The following IL1RAPL1 variants were observed in gnomAD, a reference collection of about 807,000 sequenced individuals.
IL1RAPL1 encodes interleukin-1 receptor accessory protein-like 1.
Under a neutral mutation model 48.4 loss-of-function variants are expected in IL1RAPL1, and 3 were observed. The observed-to-expected ratio is 0.06, with a 90% CI of 0.03 to 0.16. The LOEUF is 0.16. Ranked by LOEUF, IL1RAPL1 falls within the 10% of genes least tolerant of loss-of-function variation. The pLI is 1.00. For synonymous variants in IL1RAPL1, 185 were observed against 187.7 expected (o/e 0.99, Z 0.12); for missense variants, 349 against 530.6 (o/e 0.66, Z 3.36).
At chrX:29,212,018 A>C (rs1602114311) in intron 2 of IL1RAPL1, among the ~76,000 whole-genome samples, 1 of 110,840 alleles carries the variant, frequency 9.0e-6, no homozygotes, top group Middle Eastern at 4.6e-3. Flanking sequence ...ACAACTTGCT[A>C]CTCAACATCT....
intron 3 of IL1RAPL1, among the ~76,000 whole-genome samples, chrX:29,376,737 G>C (rs1239821692): frequency 1.8e-5 from 2 of 111,877 alleles, no homozygotes; most frequent in Non-Finnish European, 3.8e-5. Flanking sequence ...TGTGGTCTGA[G>C]AGTGTGCTTG....
intron 2 of IL1RAPL1, among the ~76,000 whole-genome samples, chrX:28,913,794 A>T (rs1331943721): frequency 8.9e-6 from 1 of 112,069 alleles, no homozygotes; most frequent in Non-Finnish European, 1.9e-5. Flanking sequence ...GGTGAAAATA[A>T]TCTGATGAAA....
intron 2 of IL1RAPL1, among the ~76,000 whole-genome samples, chrX:28,903,181 G>A (rs773096758): frequency 2.1e-4 from 23 of 110,276 alleles, no homozygotes; most frequent in African/African-American, 6.9e-4. Context: ...GTGTAGTGGC[G>A]CTATCTCGGC....
chrX:28,942,130 GA>G (rs1924177349), intron 2 of IL1RAPL1: 1 of 109,836 alleles, frequency 9.1e-6, no homozygotes, highest in African/African-American at 3.3e-5. Context: ...AATCCGTAAT[GA>G]ATTGCCATCG....
chrX:29,527,326 C>CTTTTTTTTTTTTTTTTTTTTTTT lies in IL1RAPL1; in HGVS notation c.703+128026_703+128048dup, dbSNP rs61003668. Among the ~76,000 whole-genome samples the CTTTTTTTTTTTTTTTTTTTTTTT allele has an allele frequency of 7.8e-5, 2 of 25,564 alleles. 1 individual carries two copies. The highest frequency in any genetic ancestry group is 1.3e-4 in the Non-Finnish European group (2 of 15,930). 22.2% of individuals were successfully genotyped at this position (25,564 alleles called of 115,157 possible). A position where few individuals can be genotyped will look rare whatever the true frequency, so the allele number is the denominator to read the frequency against. ...TAGGACTTGCATGTAGGGAAGGACTCTTTTTTTTTTTTTTTTTTTTTTTTT... is the reference window on the plus strand; with the variant it reads ...TAGGACTTGCATGTAGGGAAGGACTCTTTTTTTTTTTTTTTTTTTTTTTTTTTTTTTTTTTTTTTTTTTTTTTT... On this transcript the variant is annotated intron_variant, in intron 5 of 10. Coordinates refer to ENST00000378993, the MANE Select transcript of IL1RAPL1 (RefSeq NM_014271.4).
intron 2 of IL1RAPL1, among the ~76,000 whole-genome samples, chrX:28,927,421 G>A (rs971726681): frequency 1.8e-5 from 2 of 111,353 alleles, no homozygotes; most frequent in African/African-American, 6.5e-5. Context: ...ATAAAAATAC[G>A]CTCTTTTGAT....
At chrX:29,084,625 A>G (rs1927912065) in intron 2 of IL1RAPL1, among the ~76,000 whole-genome samples, 2 of 112,504 alleles carry the variant, frequency 1.8e-5, no homozygotes, top group Admixed American at 1.9e-4. Context: ...AATTAAAAGA[A>G]GTAGGGCTAA....
intron 3 of IL1RAPL1, among the ~76,000 whole-genome samples, chrX:29,297,792 G>T (rs1932471402): frequency 8.9e-6 from 1 of 112,051 alleles, no homozygotes; most frequent in Non-Finnish European, 1.9e-5. Flanking sequence ...TGAATTTGTT[G>T]ATTATTCAGG....
Position 29,303,106 on chromosome X carries a change from T to G in IL1RAPL1, c.362+19889T>G, listed in dbSNP as rs770136207. ...GCTTGCCCTTCATGAAGACCAAGGTTGGTCTCAGGGCCAGACAAAAGCCAT... is the reference window on the plus strand; with the variant it reads ...GCTTGCCCTTCATGAAGACCAAGGTGGGTCTCAGGGCCAGACAAAAGCCAT... On this transcript the variant is annotated intron_variant, in intron 3 of 10. Transcript: ENST00000378993. 3.6e-5 allele frequency among the ~76,000 whole-genome samples: 4 copies of G among 111,778 alleles called. No homozygotes were observed. The South Asian group carries it at 1.5e-3, about 42-fold the overall frequency.
chrX:29,252,603 T>C (rs1312013282), intron 2 of IL1RAPL1, among the ~76,000 whole-genome samples: 1 of 113,517 alleles, frequency 8.8e-6, no homozygotes, highest in Non-Finnish European at 1.9e-5. Context: ...TTAAATAAAT[T>C]TCCACACTTG....
intron 1 of IL1RAPL1, among the ~76,000 whole-genome samples, chrX:28,673,314 C>T (rs1162150258): frequency 8.9e-6 from 1 of 111,762 alleles, no homozygotes; most frequent in African/African-American, 3.3e-5. Flanking sequence ...TGAAACTGGA[C>T]CCCTTCCTTA....
chrX:29,170,706 C>A (rs1929890820), intron 2 of IL1RAPL1, among the ~76,000 whole-genome samples: 1 of 111,595 alleles, frequency 9.0e-6, no homozygotes, highest in Non-Finnish European at 1.9e-5. Flanking sequence ...AAATGCATAA[C>A]ATTCCAACCC....
intron 6 of IL1RAPL1, among the ~76,000 whole-genome samples, chrX:29,704,130 A>G (rs1325454020): frequency 9.2e-6 from 1 of 109,178 alleles, no homozygotes; most frequent in Non-Finnish European, 1.9e-5. Flanking sequence ...GAGTCTTGCT[A>G]TATTGCCCAG....
chrX:28,778,814 A>C (rs1256591552), intron 1 of IL1RAPL1, among the ~76,000 whole-genome samples: 1 of 111,878 alleles, frequency 8.9e-6, no homozygotes, highest in African/African-American at 3.2e-5. Context: ...AATTCAATTA[A>C]GACTACAGTT....
At chrX:29,811,638 A>T (rs1930383581) in intron 6 of IL1RAPL1, among the ~76,000 whole-genome samples, 1 of 111,002 alleles carries the variant, frequency 9.0e-6, no homozygotes, top group African/African-American at 3.3e-5. Flanking sequence ...TAACCATCAC[A>T]ATGGGATTAC....
At position 29,694,432 on chromosome X, in the gene IL1RAPL1, C is replaced by A. The variant is rs1387294766; in HGVS notation, c.778+25928C>A. ...AATCAGGGATAGCAGGTCATTCCAGCCAGAAAAACTGATGTTTTTGCGTAT... is the reference window on the plus strand; with the variant it reads ...AATCAGGGATAGCAGGTCATTCCAGACAGAAAAACTGATGTTTTTGCGTAT... On this transcript the variant is annotated intron_variant, in intron 6 of 10. Transcript: ENST00000378993. Among the ~76,000 whole-genome samples the A allele has an allele frequency of 2.7e-5, 3 of 111,644 alleles. No individual in the cohort carries two copies. The South Asian group carries it at 1.1e-3, about 42-fold the overall frequency.
chrX:28,651,947 C>T (rs1331960408), intron 1 of IL1RAPL1, among the ~76,000 whole-genome samples: 1 of 111,558 alleles, frequency 9.0e-6, no homozygotes, highest in Non-Finnish European at 1.9e-5. Flanking sequence ...TTACTGTAGT[C>T]TTTAAAAATC....
chrX:28,760,524 A>G (rs984910630), intron 1 of IL1RAPL1, among the ~76,000 whole-genome samples: 6 of 111,968 alleles, frequency 5.4e-5, no homozygotes, highest in African/African-American at 9.8e-5. Flanking sequence ...CTAACACTTT[A>G]TTAGCCCATA....
intron 2 of IL1RAPL1, among the ~76,000 whole-genome samples, chrX:29,037,555 T>A (rs756764284): frequency 1.9e-4 from 21 of 112,014 alleles, no homozygotes; most frequent in African/African-American, 6.2e-4. Flanking sequence ...ATTCCCGTGA[T>A]CTGTGAAGTA....
Sources: gnomAD v4.1 joint callset for allele counts (sites outside exome capture counted in the v4.1 genomes callset) on GRCh38, gnomAD v4.1.1 for gene constraint, MANE v1.5 for transcripts, NCBI Gene and HGNC (gene_info 2026-07-23, HGNC 2026-07-21) for gene names.